POLR3B: variants seen among roughly 807,000 people sequenced by gnomAD.
POLR3B encodes the protein DNA-directed RNA polymerase III subunit RPC2.
POLR3B carries 96 observed loss-of-function variants against 147.4 expected under a neutral mutation model. The ratio of observed to expected loss-of-function variants is 0.65; its 90% CI spans 0.55 to 0.77. POLR3B has a LOEUF of 0.77. POLR3B is among the 30% of genes least tolerant of loss of function. POLR3B has a pLI of 0.00. For synonymous variants in POLR3B, 461 were observed against 485.9 expected (o/e 0.95, Z 0.67); for missense variants, 1,036 against 1,413.5 (o/e 0.73, Z 4.28).
At chr12:106,453,859 T>A (rs2037831073) in intron 19 of POLR3B, among the ~76,000 whole-genome samples, 1 of 152,122 alleles carries the variant, frequency 6.6e-6, no homozygotes, top group African/African-American at 2.4e-5. Context: ...GATTGGGCTG[T>A]ACCCTAGATT....
rs776102799 is a variant in POLR3B, at chr12:106,504,309, C to T, written c.3272+55C>T. 7.0e-6 allele frequency: 10 copies of T among 1,419,382 alleles called. No homozygotes were observed. The highest frequency in any genetic ancestry group is 1.0e-5 in the Non-Finnish European group (10 of 1,002,142). 87.9% of individuals were successfully genotyped at this position (1,419,382 alleles called of 1,614,324 possible). On this transcript the variant is annotated intron_variant, in intron 27 of 27. Transcript: ENST00000228347. This position sits in a 1 kb window ranked among gnomAD's most constrained non-coding sequence, Gnocchi z 4.6. ...ACACCCCTTGCCTCTTAAATCACAG[C>T]TCAAGAATTGACCCTGGATCCTATC...
At chr12:106,470,270 G>A (rs12229913) in intron 23 of POLR3B, among the ~76,000 whole-genome samples, 13,205 of 151,884 alleles carry the variant, frequency 0.087, 608 homozygotes, top group East Asian at 0.14. Context: ...TATGCTTCAC[G>A]AAGTTCTCGT....
intron 18 of POLR3B, among the ~76,000 whole-genome samples, chr12:106,442,880 A>G (rs2037671940): frequency 1.3e-5 from 2 of 152,174 alleles, no homozygotes; most frequent in Non-Finnish European, 2.9e-5. Flanking sequence ...CTTTCCTATT[A>G]ACACATCTGA....
At chr12:106,449,263 A>G (rs979451991) in intron 19 of POLR3B, among the ~76,000 whole-genome samples, 1 of 152,190 alleles carries the variant, frequency 6.6e-6, no homozygotes, top group South Asian at 2.1e-4. Context: ...ACAACCCATC[A>G]CCTGAGGTCA....
chr12:106,446,428 AAAAAAAAG>A, intron 19 of POLR3B: 1 of 344,978 alleles, frequency 2.9e-6, no homozygotes, highest in Non-Finnish European at 5.6e-6. Context: ...AAAAAAAAAA[AAAAAAAAG>A]AAAAGAGAAA....
At chr12:106,479,103 C>T (rs1212095112) in intron 23 of POLR3B, among the ~76,000 whole-genome samples, 1 of 152,076 alleles carries the variant, frequency 6.6e-6, no homozygotes, top group Non-Finnish European at 1.5e-5. Context: ...CAATTGGACA[C>T]CGTCGCATCC....
At chr12:106,459,439 G>T in intron 22 of POLR3B, 71 bp downstream of exon 22, 1 of 873,950 alleles carries the variant, frequency 1.1e-6, no homozygotes, top group Non-Finnish European at 2.0e-6. Flanking sequence ...GAAATTCGAA[G>T]TTAGGTCTTG....
At chr12:106,491,984 A>G (rs1268697972) in intron 23 of POLR3B, among the ~76,000 whole-genome samples, 1 of 152,238 alleles carries the variant, frequency 6.6e-6, no homozygotes, top group Admixed American at 6.5e-5. Context: ...AGAACTGGCC[A>G]TCAGCAAAAT....
chr12:106,423,675 T>A, intron 12 of POLR3B, among the ~76,000 whole-genome samples: 1 of 152,166 alleles, frequency 6.6e-6, no homozygotes, highest in Non-Finnish European at 1.5e-5. Context: ...AAAGATTGGA[T>A]GATGCCTGCT....
chr12:106,459,759 C>T (rs956309178), intron 22 of POLR3B, among the ~76,000 whole-genome samples: 2 of 152,180 alleles, frequency 1.3e-5, no homozygotes, highest in Non-Finnish European at 2.9e-5. Flanking sequence ...CTGGCCACAG[C>T]ATGGCATCAC....
intron 23 of POLR3B, among the ~76,000 whole-genome samples, chr12:106,494,443 C>T (rs2038447038): frequency 6.6e-6 from 1 of 152,182 alleles, no homozygotes; most frequent in Admixed American, 6.5e-5. Context: ...GCTGAACCCT[C>T]CATCTCCTCA....
chr12:106,461,418 A>G (rs2037932683), intron 22 of POLR3B, among the ~76,000 whole-genome samples: 1 of 152,158 alleles, frequency 6.6e-6, no homozygotes, highest in South Asian at 2.1e-4. Flanking sequence ...CACTAACAGT[A>G]TGCCAGGAAC....
chr12:106,477,731 G>T (rs1207262227), intron 23 of POLR3B, among the ~76,000 whole-genome samples: 4 of 151,998 alleles, frequency 2.6e-5, no homozygotes, highest in Admixed American at 2.6e-4. Flanking sequence ...CTCGCGCAGG[G>T]TACGCGCACC....
intron 12 of POLR3B, among the ~76,000 whole-genome samples, chr12:106,425,358 G>C (rs1309235973): frequency 6.6e-6 from 1 of 152,190 alleles, no homozygotes; most frequent in Admixed American, 6.5e-5. Flanking sequence ...GGAATCAGAG[G>C]ATTTGCTGGA....
In POLR3B at chr12:106,459,228, T is replaced by C. The variant is rs758067513; in HGVS notation, c.2453-23T>C. On this transcript the variant is annotated intron_variant, in intron 21 of 27. Transcript: ENST00000228347. ...TCCACACAGATGATAACGATGTGCC[T>C]AACACTTTTCTTTTTTTCTCAGGTG... 6 of 1,273,308 alleles carry C rather than the reference T, an allele frequency of 4.7e-6. No individual in the cohort carries two copies. In the South Asian group the frequency reaches 5.9e-5, roughly 13 times the overall value. 78.9% of individuals were successfully genotyped at this position (1,273,308 alleles called of 1,614,324 possible). A position where few individuals can be genotyped will look rare whatever the true frequency, so the allele number is the denominator to read the frequency against.
chr12:106,483,056 A>G (rs1454094340), intron 23 of POLR3B, among the ~76,000 whole-genome samples: 1 of 152,140 alleles, frequency 6.6e-6, no homozygotes, highest in Non-Finnish European at 1.5e-5. Context: ...ATAACTAAAT[A>G]TAGTTATCCC....
intron 18 of POLR3B, among the ~76,000 whole-genome samples, chr12:106,443,656 T>C (rs2037683368): frequency 6.6e-6 from 1 of 150,512 alleles, no homozygotes; most frequent in African/African-American, 2.4e-5. Context: ...TAGCTGGGAT[T>C]ATAGGTGCCC....
intron 19 of POLR3B, among the ~76,000 whole-genome samples, chr12:106,446,711 G>A (rs368928920): frequency 2.6e-5 from 4 of 152,096 alleles, no homozygotes; most frequent in Admixed American, 2.6e-4. Flanking sequence ...TACTGCTGAC[G>A]CTAGGAAGAC....
rs1565893077 is a variant in POLR3B, at chr12:106,427,307, A to G, written c.1212A>G (p.Lys404=). The G allele has an allele frequency of 6.2e-7, 1 of 1,613,786 alleles. No individual in the cohort carries two copies. Among genetic ancestry groups the G allele is most frequent in the East Asian group, 2.2e-5 (1 of 44,846 alleles). The change falls in exon 13 of 28, where the codon AAA becomes AAG. Residue 404 remains lysine, a synonymous_variant. Coordinates refer to ENST00000228347, the MANE Select transcript of POLR3B (RefSeq NM_018082.6). Reference sequence around the variant, plus strand: ...GAGCAGCCCAGTTTGATGTTGTCAAACACATGCGCCAAGACCAGATCACCA... The same window carrying G: ...GAGCAGCCCAGTTTGATGTTGTCAAGCACATGCGCCAAGACCAGATCACCA... ...KQRAAQFDVV[K]HMRQDQITNG... is the part of the protein sequence containing the mutation.
Sources: gnomAD v4.1 joint callset for allele counts (sites outside exome capture counted in the v4.1 genomes callset) on GRCh38, gnomAD v4.1.1 for gene constraint, Gnocchi (gnomAD v3.1) non-coding constraint, MANE v1.5 for transcripts, NCBI Gene and HGNC (gene_info 2026-07-23, HGNC 2026-07-21) for gene names.